MGAT4D: variants seen among roughly 807,000 people sequenced by gnomAD.
The protein encoded by MGAT4D is MGAT4 family member D, also known as alpha-1,3-mannosyl-glycoprotein 4-beta-N-acetylglucosaminyltransferase-like protein MGAT4D.
Under a neutral mutation model 15.9 loss-of-function variants are expected in MGAT4D, and 34 were observed. The observed-to-expected ratio is 2.14, with a 90% CI of 1.62 to 2.84. MGAT4D has a LOEUF of 2.84. MGAT4D is among the 30% of genes most tolerant of loss of function. The pLI, the probability that MGAT4D is intolerant of heterozygous loss-of-function variation, is 0.00. For synonymous variants in MGAT4D, 112 were observed against 48.2 expected, an observed-to-expected ratio of 2.33 and a Z score of -5.49; for missense variants, 327 against 140.2, an observed-to-expected ratio of 2.33 and a Z score of -6.73.
intron 9 of MGAT4D, among the ~76,000 whole-genome samples, chr4:140,455,796 C>G (rs1268781665): frequency 1.3e-5 from 2 of 152,100 alleles, no homozygotes; most frequent in African/African-American, 4.8e-5. Flanking sequence ...CTTTCTTGAT[C>G]CCTAGACTGT....
chr4:140,455,450 T>G (rs747700525), intron 9 of MGAT4D, among the ~76,000 whole-genome samples: 1 of 152,234 alleles, frequency 6.6e-6, no homozygotes, highest in African/African-American at 2.4e-5. Flanking sequence ...CATTTCAGTT[T>G]AAATTTGTTA....
intron 1 of MGAT4D, among the ~76,000 whole-genome samples, chr4:140,484,801 A>C (rs1475524370): frequency 6.6e-6 from 1 of 152,270 alleles, no homozygotes; most frequent in African/African-American, 2.4e-5. Context: ...ACATGAAAAA[A>C]TGCTCATCAT....
intron 3 of MGAT4D, among the ~76,000 whole-genome samples, chr4:140,476,794 A>G (rs1732364096): frequency 6.6e-6 from 1 of 152,186 alleles, no homozygotes; most frequent in South Asian, 2.1e-4. Flanking sequence ...AATATTAGTC[A>G]TTTTGATCAC....
intron 9 of MGAT4D, 106 bp downstream of exon 9, chr4:140,456,483 A>G: frequency 4.7e-6 from 2 of 426,368 alleles, no homozygotes; most frequent in Non-Finnish European, 8.3e-6. Flanking sequence ...AATTTTAAAA[A>G]TTGGTGCATT....
chr4:140,448,010 T>C (rs192686762), intron 10 of MGAT4D, among the ~76,000 whole-genome samples: 1 of 152,198 alleles, frequency 6.6e-6, no homozygotes, highest in Non-Finnish European at 1.5e-5. Flanking sequence ...ATATTTTTTC[T>C]TTTAGAATGT....
chr4:140,453,554 C>G (rs373156420), intron 9 of MGAT4D, among the ~76,000 whole-genome samples: 1 of 152,046 alleles, frequency 6.6e-6, no homozygotes, highest in African/African-American at 2.4e-5. Context: ...TGGTTTGTCT[C>G]TGTGTCCCCA....
At chr4:140,490,804 T>C (rs2126869533) in intron 1 of MGAT4D, among the ~76,000 whole-genome samples, 1 of 152,332 alleles carries the variant, frequency 6.6e-6, no homozygotes, top group East Asian at 1.9e-4. Context: ...ATCCCTTTTC[T>C]TCCAAAATTT....
intron 10 of MGAT4D, among the ~76,000 whole-genome samples, chr4:140,444,999 G>C (rs1211011534): frequency 2.6e-5 from 4 of 151,590 alleles, no homozygotes; most frequent in African/African-American, 9.7e-5. Context: ...CTCTGGCCTT[G>C]GCCTCCCAAG....
At chr4:140,491,459 A>T (rs1470279828) in intron 1 of MGAT4D, among the ~76,000 whole-genome samples, 1 of 151,986 alleles carries the variant, frequency 6.6e-6, no homozygotes, top group Non-Finnish European at 1.5e-5. Flanking sequence ...CAAAATTCTC[A>T]TGCTGCCAGA....
rs546026074 is a variant in MGAT4D, at chr4:140,456,863, T to C, written c.878-144A>G. On this transcript the variant is annotated intron_variant, in intron 8 of 10. Coordinates refer to ENST00000511113, the MANE Select transcript of MGAT4D (RefSeq NM_001277353.2). ...TTAAAGCACTGCTGAAGTTAGACAA[T>C]GATAAAATTAAACACTATATCTGCT... 100 of 455,504 alleles carry C rather than the reference T, an allele frequency of 2.2e-4. 1 individual carries two copies. The highest frequency in any genetic ancestry group is 1.2e-3 in the Middle Eastern group (2 of 1,686). The allele number at this position is 455,504 out of a possible 1,614,324, so 28.2% of individuals were successfully genotyped here. A position where few individuals can be genotyped will look rare whatever the true frequency, so the allele number is the denominator to read the frequency against.
At chr4:140,443,933 A>T (rs1394456693) in intron 10 of MGAT4D, among the ~76,000 whole-genome samples, 1 of 152,132 alleles carries the variant, frequency 6.6e-6, no homozygotes, top group Admixed American at 6.6e-5. Context: ...GATTATATGG[A>T]TACTACATAT....
At chr4:140,449,344 T>TA (rs1730325098) in intron 10 of MGAT4D, among the ~76,000 whole-genome samples, 1 of 152,330 alleles carries the variant, frequency 6.6e-6, no homozygotes, top group African/African-American at 2.4e-5. Flanking sequence ...AGTTCATCAC[T>TA]AAAAAGGCAT....
Position 140,456,706 on chromosome 4 carries a change from T to C in MGAT4D, c.891A>G (p.Arg297=). ...GTACAAAGTGAGTTAAGTCCTCAGA[T>C]CTAAACAGCTTTCCTATGGAAAAAA... ...SMLGFIGKLF[R]SEDLTHFVRF... Residue 297 remains arginine, a synonymous_variant, in exon 9 of 11, where the codon AGA becomes AGG. Coordinates refer to ENST00000511113, the MANE Select transcript of MGAT4D (RefSeq NM_001277353.2). 1 of 681,402 alleles carries C rather than the reference T, an allele frequency of 1.5e-6. No individual in the cohort carries two copies. Among genetic ancestry groups the C allele is most frequent in the Non-Finnish European group, 2.7e-6 (1 of 375,478 alleles). 42.2% of individuals were successfully genotyped at this position (681,402 alleles called of 1,614,324 possible).
At chr4:140,497,586 C>T (rs557254906) in intron 1 of MGAT4D, among the ~76,000 whole-genome samples, 1 of 152,138 alleles carries the variant, frequency 6.6e-6, no homozygotes, top group African/African-American at 2.4e-5. Flanking sequence ...GAAGTCCAGG[C>T]GCTGGGCCGG....
At chr4:140,468,461 T>A (rs11947084) in intron 5 of MGAT4D, among the ~76,000 whole-genome samples, 26,149 of 152,122 alleles carry the variant, frequency 0.17, 2,338 homozygotes, top group South Asian at 0.23. Context: ...TGCGGTCATA[T>A]CTTCAGGAAT....
intron 10 of MGAT4D, 79 bp downstream of exon 10, chr4:140,451,331 T>C (rs6536966): frequency 0.74 from 327,201 of 444,758 alleles, 123,010 homozygotes; most frequent in Non-Finnish European, 0.79. Context: ...GTGTCTTATG[T>C]CACCACTTCT....
At chr4:140,480,680 C>T (rs1194374277) in intron 2 of MGAT4D, among the ~76,000 whole-genome samples, 2 of 150,972 alleles carry the variant, frequency 1.3e-5, no homozygotes, top group Non-Finnish European at 2.9e-5. Flanking sequence ...ACTGGCAAAA[C>T]AGGAGTTTGA....
At chr4:140,459,416 TTCATTTAGTA>T in intron 8 of MGAT4D, 86 bp downstream of exon 8, 1 of 363,086 alleles carries the variant, frequency 2.8e-6, no homozygotes, top group Non-Finnish European at 5.0e-6. Flanking sequence ...GCCATTCTTT[TTCATTTAGTA>T]ATAAACAAAC....
At chr4:140,467,107 T>C (rs1731586863) in intron 5 of MGAT4D, among the ~76,000 whole-genome samples, 1 of 152,108 alleles carries the variant, frequency 6.6e-6, no homozygotes, top group Non-Finnish European at 1.5e-5. Flanking sequence ...TTTTGGTCAT[T>C]TATTTTGGTG....
Sources: gnomAD v4.1 joint callset for allele counts (sites outside exome capture counted in the v4.1 genomes callset) on GRCh38, gnomAD v4.1.1 for gene constraint, MANE v1.5 for transcripts, NCBI Gene and HGNC (gene_info 2026-07-23, HGNC 2026-07-21) for gene names.